KCNMA1: variants seen among roughly 807,000 people sequenced by gnomAD.
The protein encoded by KCNMA1 is Calcium-activated potassium channel subunit alpha-1.
In KCNMA1, 29 loss-of-function variants were observed where a neutral mutation model predicts 140.0. The ratio of observed to expected loss-of-function variants is 0.21; its 90% CI spans 0.15 to 0.28. KCNMA1 has a LOEUF of 0.28. Among genes scored for constraint, KCNMA1 ranks in the 10% least tolerant of loss-of-function variants. The probability of loss-of-function intolerance (pLI) is 1.00; values close to 1 mark genes in which losing one functional copy is unlikely to be tolerated. For missense variants in KCNMA1, 880 were observed against 1,602.2 expected (o/e 0.55, Z 7.70); for synonymous variants, 612 against 611.9 (o/e 1.00, Z 0.00).
intron 1 of KCNMA1, among the ~76,000 whole-genome samples, chr10:77,536,551 C>T (rs535983468): frequency 6.6e-6 from 1 of 152,302 alleles, no homozygotes; most frequent in South Asian, 2.1e-4. Flanking sequence ...AACAGCCTTA[C>T]TATGAAAATA....
intron 5 of KCNMA1, among the ~76,000 whole-genome samples, chr10:77,147,994 A>T (rs2098340499): frequency 6.6e-6 from 1 of 152,080 alleles, no homozygotes; most frequent in Non-Finnish European, 1.5e-5. Flanking sequence ...AAAGACTGAG[A>T]AAGGGACACT....
chr10:76,924,379 A>C (rs971712834), intron 23 of KCNMA1, among the ~76,000 whole-genome samples: 3 of 152,238 alleles, frequency 2.0e-5, no homozygotes, highest in African/African-American at 7.2e-5. Context: ...AAATAAGACA[A>C]ATATGTCAAC....
Position 77,550,632 on chromosome 10 carries a change from A to G in KCNMA1, c.378+86633T>C, listed in dbSNP as rs565394092. ...GGCAGACTCAGGCATGCCTCTCCCCAGGGAACCAGGCCGCGTCTGGGCAGA... is the reference window on the plus strand; with the variant it reads ...GGCAGACTCAGGCATGCCTCTCCCCGGGGAACCAGGCCGCGTCTGGGCAGA... On this transcript the variant is annotated intron_variant, in intron 1 of 27. Transcript: ENST00000286628. 5.3e-5 allele frequency among the ~76,000 whole-genome samples: 8 copies of G among 152,304 alleles called. No individual in the cohort carries two copies. The East Asian group carries it at 1.5e-3, about 29-fold the overall frequency.
chr10:77,158,880 G>C (rs114553981), intron 5 of KCNMA1, among the ~76,000 whole-genome samples: 1 of 152,164 alleles, frequency 6.6e-6, no homozygotes, highest in Non-Finnish European at 1.5e-5. Flanking sequence ...CAATGCGTAA[G>C]TGTAATAAGT....
intron 10 of KCNMA1, among the ~76,000 whole-genome samples, chr10:77,088,603 T>C (rs973377569): frequency 7.2e-5 from 11 of 152,024 alleles, no homozygotes; most frequent in African/African-American, 2.7e-4. Flanking sequence ...CTAATCTTTC[T>C]ATTTTTGTAT....
chr10:77,571,490 T>C (rs1235910970), intron 1 of KCNMA1, among the ~76,000 whole-genome samples: 1 of 152,204 alleles, frequency 6.6e-6, no homozygotes, highest in Non-Finnish European at 1.5e-5. Flanking sequence ...GGCAGACTTA[T>C]GATTACAAAT....
At chr10:77,182,518 G>A (rs2098811109) in intron 5 of KCNMA1, among the ~76,000 whole-genome samples, 1 of 152,194 alleles carries the variant, frequency 6.6e-6, no homozygotes. Context: ...TAAAGGAGGA[G>A]GCAGTGATGG....
intron 1 of KCNMA1, among the ~76,000 whole-genome samples, chr10:77,497,927 T>C (rs1363772113): frequency 6.6e-6 from 1 of 152,168 alleles, no homozygotes; most frequent in African/African-American, 2.4e-5. Flanking sequence ...TTTACATTTG[T>C]CCATTTACAA....
At chr10:76,941,093 A>AAG (rs2062072482) in intron 23 of KCNMA1, among the ~76,000 whole-genome samples, 1 of 101,856 alleles carries the variant, frequency 9.8e-6, no homozygotes, top group African/African-American at 3.6e-5. Context: ...AAGAGAAAGA[A>AAG]AGAAAGAAGG....
chr10:76,987,504 G>A (rs2081599648), intron 19 of KCNMA1, among the ~76,000 whole-genome samples: 1 of 152,162 alleles, frequency 6.6e-6, no homozygotes, highest in Non-Finnish European at 1.5e-5. Context: ...CTTTGCAGTT[G>A]TAGCCTGAAA....
At chr10:77,507,583 C>T (rs2046615247) in intron 1 of KCNMA1, among the ~76,000 whole-genome samples, 1 of 152,202 alleles carries the variant, frequency 6.6e-6, no homozygotes, top group Admixed American at 6.5e-5. Context: ...CAGCCCTGTC[C>T]CAGTGCTCTA....
chr10:77,395,927 T>C (rs545056341), intron 2 of KCNMA1, among the ~76,000 whole-genome samples: 1 of 152,322 alleles, frequency 6.6e-6, no homozygotes, highest in Non-Finnish European at 1.5e-5. Context: ...ATCTAGTGTA[T>C]CTTTCATTAG....
At chr10:77,618,089 T>A (rs1488934777) in intron 1 of KCNMA1, among the ~76,000 whole-genome samples, 1 of 152,070 alleles carries the variant, frequency 6.6e-6, no homozygotes, top group Non-Finnish European at 1.5e-5. Flanking sequence ...TTACTTCTCA[T>A]CCCCTATCAT....
At chr10:77,627,643 C>A (rs1214429362) in intron 1 of KCNMA1, among the ~76,000 whole-genome samples, 2 of 152,218 alleles carry the variant, frequency 1.3e-5, no homozygotes, top group Non-Finnish European at 2.9e-5. Context: ...AAACACCACC[C>A]AGCTCTGTCC....
At chr10:77,310,354 G>T (rs546825427) in intron 2 of KCNMA1, among the ~76,000 whole-genome samples, 1 of 152,142 alleles carries the variant, frequency 6.6e-6, no homozygotes, top group Non-Finnish European at 1.5e-5. Context: ...CTGAGATCTC[G>T]ATCCAAAAGG....
chr10:77,046,798 CA>C (rs1737335073), intron 14 of KCNMA1, among the ~76,000 whole-genome samples: 1 of 152,172 alleles, frequency 6.6e-6, no homozygotes, highest in African/African-American at 2.4e-5. Flanking sequence ...ATAGAATAAA[CA>C]AAATGAAATG....
intron 1 of KCNMA1, among the ~76,000 whole-genome samples, chr10:77,625,739 C>A (rs1406238987): frequency 6.6e-6 from 1 of 152,232 alleles, no homozygotes; most frequent in African/African-American, 2.4e-5. Context: ...ATTCGCTAAT[C>A]TATTCATCTG....
At chr10:77,136,244 C>A (rs1033834490) in intron 5 of KCNMA1, among the ~76,000 whole-genome samples, 1 of 152,088 alleles carries the variant, frequency 6.6e-6, no homozygotes, top group African/African-American at 2.4e-5. Context: ...AAATAGAAAG[C>A]AGCTTAAAAT....
At chr10:77,194,249 C>A (rs149768612) in intron 3 of KCNMA1, among the ~76,000 whole-genome samples, 1 of 152,100 alleles carries the variant, frequency 6.6e-6, no homozygotes, top group Non-Finnish European at 1.5e-5. Flanking sequence ...AATCAGGGCA[C>A]GGTTGGGCAG....
Sources: gnomAD v4.1 joint callset for allele counts (sites outside exome capture counted in the v4.1 genomes callset) on GRCh38, gnomAD v4.1.1 for gene constraint, MANE v1.5 for transcripts, NCBI Gene and HGNC (gene_info 2026-07-23, HGNC 2026-07-21) for gene names.